SEC61A2: variants seen among roughly 807,000 people sequenced by gnomAD.
SEC61A2 encodes protein transport protein Sec61 subunit alpha isoform 2.
SEC61A2 carries 28 observed loss-of-function variants against 59.9 expected under a neutral mutation model. The ratio of observed to expected loss-of-function variants is 0.47; its 90% CI spans 0.35 to 0.64. The LOEUF (loss-of-function observed/expected upper bound fraction) is 0.64. SEC61A2 is among the 30% of genes least tolerant of loss of function. SEC61A2 has a pLI of 0.01. For synonymous variants in SEC61A2, 202 were observed against 214.4 expected (o/e 0.94, Z 0.50); for missense variants, 340 against 585.9 (o/e 0.58, Z 4.33).
At chr10:12,147,572 G>A (rs890211515) in intron 4 of SEC61A2, among the ~76,000 whole-genome samples, 7 of 151,788 alleles carry the variant, frequency 4.6e-5, no homozygotes, top group African/African-American at 1.7e-4. Context: ...GTAATCTCAG[G>A]TACTCGGGAG....
chr10:12,143,945 C>T lies in SEC61A2; in HGVS notation c.220+750C>T, dbSNP rs899443674. ...ACACTTTTTTCAGGCGATCCTCCCA[C>T]TTCAGCCTCCTGAGTAGCTGGGACT... is the stretch of plus-strand genomic sequence containing the variant. On this transcript the variant is annotated intron_variant, in intron 4 of 11. Transcript: ENST00000298428. This position sits in a 1 kb window ranked among gnomAD's most constrained non-coding sequence, Gnocchi z 4.8. Among the ~76,000 whole-genome samples, 2 of 152,162 alleles carry T rather than the reference C, an allele frequency of 1.3e-5. No individual in the cohort carries two copies. The highest frequency in any genetic ancestry group is 2.9e-5 in the Non-Finnish European group (2 of 68,032).
At position 12,133,338 on chromosome 10, in the gene SEC61A2, G is replaced by A. The variant is rs141796319; in HGVS notation, c.75+30G>A. Reference sequence around the variant, plus strand: ...GTATAATATTTTAGTAATATAGAGGGTAGCTCAAGGGCTTGTTCTATGAAA... The same window carrying A: ...GTATAATATTTTAGTAATATAGAGGATAGCTCAAGGGCTTGTTCTATGAAA... On this transcript the variant is annotated intron_variant, in intron 2 of 11. Transcript: ENST00000298428. The A allele has an allele frequency of 8.8e-4, 992 of 1,126,392 alleles. 11 individuals are homozygous for A. The East Asian group carries it at 0.02, about 23-fold the overall frequency. 69.8% of individuals were successfully genotyped at this position (1,126,392 alleles called of 1,614,324 possible).
Position 12,156,938 on chromosome 10 carries a change from G to C in SEC61A2, c.648G>C (p.Leu216=). The C allele has an allele frequency of 6.2e-7, 1 of 1,613,998 alleles. No homozygotes were observed. Among genetic ancestry groups the C allele is most frequent in the Non-Finnish European group, 8.5e-7 (1 of 1,179,882 alleles). ...GTEFEGAVIA[L]FHLLATRTDK... Reference sequence around the variant, plus strand: ...AGTTTGAGGGTGCAGTCATAGCTCTGTTCCATTTGTTGGCCACCAGGACGG... The same window carrying C: ...AGTTTGAGGGTGCAGTCATAGCTCTCTTCCATTTGTTGGCCACCAGGACGG... The change falls in exon 8 of 12, where the codon CTG becomes CTC. Residue 216 remains leucine, a synonymous_variant. Transcript: ENST00000298428. The surrounding 1 kb of genome is among the most constrained non-coding windows in gnomAD (Gnocchi z 5.2).
rs190263139 is a variant in SEC61A2, at chr10:12,143,461, G to A, written c.220+266G>A. Reference sequence around the variant, plus strand: ...ATTGGAATTGGAGTCCAGGTGGGGCGCCGTGGCTCACCCCTGTAATCCCAG... The same window carrying A: ...ATTGGAATTGGAGTCCAGGTGGGGCACCGTGGCTCACCCCTGTAATCCCAG... On this transcript the variant is annotated intron_variant, in intron 4 of 11. Coordinates refer to ENST00000298428, the MANE Select transcript of SEC61A2 (RefSeq NM_018144.4). The surrounding 1 kb of genome is among the most constrained non-coding windows in gnomAD (Gnocchi z 4.8). Among the ~76,000 whole-genome samples the A allele has an allele frequency of 9.9e-5, 15 of 152,240 alleles. No homozygotes were observed. In the East Asian group the frequency reaches 1.2e-3, roughly 12 times the overall value.
At chr10:12,134,214 A>G (rs1253849157) in intron 2 of SEC61A2, among the ~76,000 whole-genome samples, 2 of 152,134 alleles carry the variant, frequency 1.3e-5, no homozygotes, top group Non-Finnish European at 2.9e-5. Flanking sequence ...TCACCGTGTT[A>G]GCCAGGATGG....
Position 12,161,362 on chromosome 10 carries a change from G to A in SEC61A2, c.1167+241G>A, listed in dbSNP as rs1834523467. ...TGGGAAGTTGAGACGGAGCAGTAAC[G>A]CTTGAGTCCGGGAGGTGGAGGTTGC... On this transcript the variant is annotated intron_variant, in intron 10 of 11. Transcript: ENST00000298428. The surrounding 1 kb of genome is among the most constrained non-coding windows in gnomAD (Gnocchi z 5.4). 1.3e-5 allele frequency among the ~76,000 whole-genome samples: 2 copies of A among 152,174 alleles called. No individual in the cohort carries two copies. The highest frequency in any genetic ancestry group is 2.9e-5 in the Non-Finnish European group (2 of 68,036).
At position 12,155,330 on chromosome 10, in the gene SEC61A2, C is replaced by G; in HGVS notation, c.463-448C>G. The G allele has an allele frequency of 6.3e-7, 1 of 1,581,778 alleles. No individual in the cohort carries two copies. ...TCAAAGGATCAACACAGCCCTTAGA[C>G]TTATCCTTTGATGGCAGTGTACATT... On this transcript the variant is annotated intron_variant, in intron 6 of 11. Transcript: ENST00000298428. The surrounding 1 kb of genome is among the most constrained non-coding windows in gnomAD (Gnocchi z 4.3).
chr10:12,163,353 C>T (rs1777109843), intron 11 of SEC61A2, among the ~76,000 whole-genome samples: 1 of 143,768 alleles, frequency 7.0e-6, no homozygotes, highest in South Asian at 2.2e-4. Flanking sequence ...GAGATGGGGC[C>T]TCACTTTGTC....
Position 12,149,576 on chromosome 10 carries a change from C to A in SEC61A2, c.221-19C>A, listed in dbSNP as rs370396588. The A allele has an allele frequency of 2.5e-6, 4 of 1,591,610 alleles. No individual in the cohort carries two copies. The African/African-American group carries it at 4.0e-5, about 16-fold the overall frequency. On this transcript the variant is annotated intron_variant, in intron 4 of 11. Coordinates refer to ENST00000298428, the MANE Select transcript of SEC61A2 (RefSeq NM_018144.4). This position sits in a 1 kb window ranked among gnomAD's most constrained non-coding sequence, Gnocchi z 5.2. ...CGTGTACAGCAAACATTGCACACTT[C>A]TCTCCCCTTCCTTTCCAGGAACTTT... is the stretch of plus-strand genomic sequence containing the variant.
rs1834395496 is a variant in SEC61A2 at position 12,156,328 on chromosome 10, C to G, written c.616+397C>G. On this transcript the variant is annotated intron_variant, in intron 7 of 11. Transcript: ENST00000298428. This position sits in a 1 kb window ranked among gnomAD's most constrained non-coding sequence, Gnocchi z 5.2. ...TGAATCCACCTGGAGCACTCCTACT[C>G]TGCTGCTCTTCTAATTGGCTTTGTA... Among the ~76,000 whole-genome samples the G allele has an allele frequency of 6.6e-6, 1 of 152,216 alleles. No homozygotes were observed. Among genetic ancestry groups the G allele is most frequent in the South Asian group, 2.1e-4 (1 of 4,832 alleles).
rs1834525477 is a variant in SEC61A2, at chr10:12,161,437, A to T, written c.1167+316A>T. On this transcript the variant is annotated intron_variant, in intron 10 of 11. Transcript: ENST00000298428. This position sits in a 1 kb window ranked among gnomAD's most constrained non-coding sequence, Gnocchi z 5.4. ...ACTCCAGCCTGGGTGACAGAGCGAGATCCTGTCTCAAAAAAATAAAAAAGG... is the reference window on the plus strand; with the variant it reads ...ACTCCAGCCTGGGTGACAGAGCGAGTTCCTGTCTCAAAAAAATAAAAAAGG... Among the ~76,000 whole-genome samples, 1 of 151,568 alleles carries T rather than the reference A, an allele frequency of 6.6e-6. No homozygotes were observed. Among genetic ancestry groups the T allele is most frequent in the African/African-American group, 2.4e-5 (1 of 41,190 alleles).
At chr10:12,138,849 A>G (rs969139410) in intron 3 of SEC61A2, among the ~76,000 whole-genome samples, 16 of 152,160 alleles carry the variant, frequency 1.1e-4, no homozygotes, top group African/African-American at 3.9e-4. Context: ...TTCTGTGGAT[A>G]TTTTTCATGG....
At position 12,164,409 on chromosome 10, in the gene SEC61A2, T is replaced by C; in HGVS notation, c.1386T>C (p.Val462=). 6.2e-7 allele frequency: 1 copy of C among 1,614,038 alleles called. No homozygotes were observed. The highest frequency in any genetic ancestry group is 1.3e-5 in the African/African-American group (1 of 75,040). ...TTTACCAGTATTTTGAAATATTTGT[T>C]AAAGAACAGGCCGAAGTTGGTGGGA... ...TIIYQYFEIF[V]KEQAEVGGMG... is the part of the protein sequence containing the mutation. Residue 462 remains valine (V), a synonymous_variant, in exon 12 of 12, where the codon GTT becomes GTC. Transcript: ENST00000298428. The surrounding 1 kb of genome is among the most constrained non-coding windows in gnomAD (Gnocchi z 7.3).
downstream of SEC61A2, chr10:12,169,164 G>T: frequency 1.4e-6 from 1 of 702,568 alleles, no homozygotes. The surrounding 1 kb of genome is among the most constrained non-coding windows in gnomAD (Gnocchi z 4.8). Context: ...CTAAAGCTAG[G>T]CAACTTGGTT....
chr10:12,157,844 T>C, intron 8 of SEC61A2, 64 bp from the exon 9 acceptor site: 2 of 1,474,162 alleles, frequency 1.4e-6, no homozygotes, highest in Non-Finnish European at 1.9e-6. Context: ...GTTTTCCCTC[T>C]CTGGTCTCTG....
intron 4 of SEC61A2, among the ~76,000 whole-genome samples, chr10:12,144,636 T>A (rs1443680862): frequency 6.6e-6 from 1 of 152,042 alleles, no homozygotes; most frequent in Non-Finnish European, 1.5e-5. Flanking sequence ...AGGAAGGTGA[T>A]CTTTGAAGAC....
Position 12,149,717 on chromosome 10 carries a change from G to A in SEC61A2, c.343G>A (p.Ala115Thr). 1 of 1,610,336 alleles carries A rather than the reference G, an allele frequency of 6.2e-7. No homozygotes were observed. The highest frequency in any genetic ancestry group is 8.5e-7 in the Non-Finnish European group (1 of 1,179,092). The change falls in exon 5 of 12, where the codon GCC becomes ACC. Residue 115 changes from alanine (A) to threonine (T), a missense_variant. Physicochemically the swap from Ala to Thr is moderately conservative, Grantham distance 58 (BLOSUM62 0). This residue lies in a region of SEC61A2 where 283 missense variants were observed against 483.2 expected (regional missense o/e 0.59). Transcript: ENST00000298428. The surrounding 1 kb of genome is among the most constrained non-coding windows in gnomAD (Gnocchi z 5.2). ...GAAAGATAGAGCTTTATTCAATGGA[G>A]CCCAGAAACGTGAGCATTAATGCAA... ...TPKDRALFNGAQKLFGMIITI... is the reference protein window; with the variant it reads ...TPKDRALFNGTQKLFGMIITI...
chr10:12,137,349 C>G (rs1833913115), intron 3 of SEC61A2, among the ~76,000 whole-genome samples: 1 of 151,898 alleles, frequency 6.6e-6, no homozygotes, highest in African/African-American at 2.4e-5. Context: ...GAGACAGGGT[C>G]TCACTCTGTC....
At chr10:12,139,762 C>T (rs1205360137) in intron 3 of SEC61A2, among the ~76,000 whole-genome samples, 9 of 151,850 alleles carry the variant, frequency 5.9e-5, no homozygotes, top group African/African-American at 1.2e-4. Flanking sequence ...CCAGTCTGGG[C>T]GACAGAGCGA....
Sources: gnomAD v4.1 joint callset for allele counts (sites outside exome capture counted in the v4.1 genomes callset) on GRCh38, gnomAD v4.1.1 for gene constraint, gnomAD v4.1.1 regional missense constraint, Gnocchi (gnomAD v3.1) non-coding constraint, MANE v1.5 for transcripts, NCBI Gene and HGNC (gene_info 2026-07-23, HGNC 2026-07-21) for gene names.